Variants in LPCAT2 observed in about 807,000 individuals in gnomAD.
LPCAT2 encodes 1-AGP acyltransferase 11.
LPCAT2 carries 58 observed loss-of-function variants against 64.7 expected under a neutral mutation model. The ratio of observed to expected loss-of-function variants is 0.90; its 90% CI spans 0.73 to 1.12. LPCAT2 has a LOEUF of 1.12. LPCAT2 is among the 50% of genes most tolerant of loss of function. The pLI is 0.00. For synonymous variants in LPCAT2, 252 were observed against 245.3 expected, an observed-to-expected ratio of 1.03 and a Z score of -0.26; for missense variants, 579 against 669.8, an observed-to-expected ratio of 0.86 and a Z score of 1.50.
chr16:55,534,476 T>C lies in LPCAT2; in HGVS notation c.796T>C (p.Phe266Leu), dbSNP rs1275818208. 1 of 1,470,178 alleles carries C rather than the reference T, an allele frequency of 6.8e-7. No individual in the cohort carries two copies. Among genetic ancestry groups the C allele is most frequent in the East Asian group, 2.4e-5 (1 of 41,936 alleles). The allele number at this position is 1,470,178 out of a possible 1,614,324, so 91.1% of individuals were successfully genotyped here. The change falls in exon 7 of 14, where the codon TTC becomes CTC. Residue 266 changes from phenylalanine (F) to leucine (L), a missense_variant and splice_region_variant. Physicochemically the swap from Phe to Leu is conservative, Grantham distance 22. Coordinates refer to ENST00000262134, the MANE Select transcript of LPCAT2 (RefSeq NM_017839.5). ...TVTWTWQGYT[F>L]IQLCMLTFCQ... is the part of the protein sequence containing the mutation. ...GACCTGGACATGGCAAGGATATACA[T>C]TGTAAGTCACTTATGTCTATTATTA...
At chr16:55,520,053 C>G (rs1963073486) in intron 1 of LPCAT2, among the ~76,000 whole-genome samples, 1 of 152,034 alleles carries the variant, frequency 6.6e-6, no homozygotes, top group South Asian at 2.1e-4. Context: ...CCAAATACAT[C>G]AATAATTACA....
rs1333640342 is a variant in LPCAT2, at chr16:55,550,948, G to A, written c.1062-1G>A. ...GTATCTATAATTCTTTGTTTGTTTA[G>A]ATTAGATTGGGATGGTGTTCGTAAG... On this transcript the variant is annotated splice_acceptor_variant, in intron 10 of 13. Transcript: ENST00000262134. LOFTEE classifies it high-confidence loss of function. 2 of 1,582,798 alleles carry A rather than the reference G, an allele frequency of 1.3e-6. No individual in the cohort carries two copies. The highest frequency in any genetic ancestry group is 1.7e-6 in the Non-Finnish European group (2 of 1,159,514).
chr16:55,518,504 A>G (rs1214811196), intron 1 of LPCAT2, among the ~76,000 whole-genome samples: 1 of 152,214 alleles, frequency 6.6e-6, no homozygotes, highest in Non-Finnish European at 1.5e-5. Flanking sequence ...AAAATTGGAG[A>G]ACTCACATTT....
intron 10 of LPCAT2, among the ~76,000 whole-genome samples, chr16:55,549,890 C>T (rs1963496571): frequency 6.6e-6 from 1 of 152,148 alleles, no homozygotes; most frequent in African/African-American, 2.4e-5. Flanking sequence ...CTTCTTCCTG[C>T]TCTTTTGATC....
chr16:55,572,985 G>A (rs1269953301), intron 11 of LPCAT2, among the ~76,000 whole-genome samples: 2 of 152,132 alleles, frequency 1.3e-5, no homozygotes, highest in Non-Finnish European at 2.9e-5. Flanking sequence ...TGACAGACTG[G>A]TAATCAGACA....
Position 55,528,354 on chromosome 16 carries a change from A to T in LPCAT2, c.312-23A>T, listed in dbSNP as rs745930367. 1.9e-6 allele frequency: 3 copies of T among 1,587,090 alleles called. No individual in the cohort carries two copies. The African/African-American group carries it at 4.0e-5, about 21-fold the overall frequency. ...CTAGCTTTAATTAACAGAGCTAATT[A>T]CATCTTTTCTATATTTTCAAAGGAA... On this transcript the variant is annotated intron_variant, in intron 2 of 13. Transcript: ENST00000262134.
At chr16:55,547,456 C>CA (rs1398119559) in intron 9 of LPCAT2, among the ~76,000 whole-genome samples, 2 of 152,144 alleles carry the variant, frequency 1.3e-5, no homozygotes, top group African/African-American at 4.8e-5. Flanking sequence ...TTGGAAAACA[C>CA]AAGTACTGTG....
At chr16:55,547,242 C>A (rs1434399917) in intron 9 of LPCAT2, among the ~76,000 whole-genome samples, 1 of 152,106 alleles carries the variant, frequency 6.6e-6, no homozygotes, top group Non-Finnish European at 1.5e-5. Flanking sequence ...GTTTAGACAG[C>A]CTTTTTCTGA....
intron 8 of LPCAT2, among the ~76,000 whole-genome samples, chr16:55,543,389 T>G (rs1963418332): frequency 6.6e-6 from 1 of 152,200 alleles, no homozygotes; most frequent in South Asian, 2.1e-4. Flanking sequence ...TTTTTCAAGG[T>G]TTTCAGTATG....
At chr16:55,516,610 A>G (rs576123090) in intron 1 of LPCAT2, among the ~76,000 whole-genome samples, 9 of 152,360 alleles carry the variant, frequency 5.9e-5, no homozygotes, top group African/African-American at 2.2e-4. Flanking sequence ...AATTATAACC[A>G]TATATGCATC....
At chr16:55,553,352 C>CG (rs1963539903) in intron 11 of LPCAT2, among the ~76,000 whole-genome samples, 1 of 152,222 alleles carries the variant, frequency 6.6e-6, no homozygotes, top group Non-Finnish European at 1.5e-5. Flanking sequence ...GCTTTATCAA[C>CG]TAAGTTCATG....
In LPCAT2 at chr16:55,532,683, A is replaced by G. The variant is rs1428509929; in HGVS notation, c.704-141A>G. ...TCCCTCATTTTGGTAAGCACTAGGGATTTACCAACATTTAGCAAATGATTT... is the reference window on the plus strand; with the variant it reads ...TCCCTCATTTTGGTAAGCACTAGGGGTTTACCAACATTTAGCAAATGATTT... On this transcript the variant is annotated intron_variant, in intron 5 of 13. Coordinates refer to ENST00000262134, the MANE Select transcript of LPCAT2 (RefSeq NM_017839.5). 2.7e-5 allele frequency: 14 copies of G among 524,184 alleles called. No homozygotes were observed. The East Asian group carries it at 4.7e-4, about 18-fold the overall frequency. The allele number at this position is 524,184 out of a possible 1,614,324, so 32.5% of individuals were successfully genotyped here.
chr16:55,576,264 GT>G (rs1468346247), intron 12 of LPCAT2, among the ~76,000 whole-genome samples: 1 of 149,872 alleles, frequency 6.7e-6, no homozygotes, highest in Non-Finnish European at 1.5e-5. Context: ...TGTGTTTTAT[GT>G]TTTGGAAGTA....
rs779297150 is a variant in LPCAT2, at chr16:55,574,710, T to A, written c.1295T>A (p.Ile432Asn). ...VLCNPSNTEE[I>N]IQVAFKLFDV... Reference sequence around the variant, plus strand: ...TGCAACCCTTCCAACACAGAGGAGATCATCCAGGTGGCATTTAAGGTACTG... The same window carrying A: ...TGCAACCCTTCCAACACAGAGGAGAACATCCAGGTGGCATTTAAGGTACTG... The change falls in exon 12 of 14, where the codon ATC becomes AAC. Residue 432 changes from isoleucine (I) to asparagine (N), a missense_variant. Coordinates refer to ENST00000262134, the MANE Select transcript of LPCAT2 (RefSeq NM_017839.5). The A allele has an allele frequency of 2.5e-6, 4 of 1,613,336 alleles. No homozygotes were observed. In the African/African-American group the frequency reaches 4.0e-5, roughly 16 times the overall value.
Position 55,584,343 on chromosome 16 carries a change from T to C in LPCAT2, c.*1245T>C, listed in dbSNP as rs1047560650. ...AGAAAACACAAAAGGTTTCAAGGTA[T>C]CACCCAAAGCTAGGGAATCAACAAA... On this transcript the variant is annotated 3_prime_UTR_variant, in exon 14 of 14. Transcript: ENST00000262134. 1 of 152,168 alleles carries C rather than the reference T, an allele frequency of 6.6e-6. No individual in the cohort carries two copies. The highest frequency in any genetic ancestry group is 1.5e-5 in the Non-Finnish European group (1 of 68,022). The allele number at this position is 152,168 out of a possible 1,614,324, so 9.4% of individuals were successfully genotyped here.
intron 1 of LPCAT2, among the ~76,000 whole-genome samples, chr16:55,525,184 T>C (rs1267394826): frequency 6.6e-6 from 1 of 152,076 alleles, no homozygotes; most frequent in Non-Finnish European, 1.5e-5. Flanking sequence ...CTACAACTCC[T>C]CCAGGAAGCT....
Position 55,583,205 on chromosome 16 carries a change from A to T in LPCAT2, c.*107A>T, listed in dbSNP as rs567994567. ...TGGTAATGATGTTTAAAATTGAAAGATTTTTAAAACAAAAATGATAGATTT... is the reference window on the plus strand; with the variant it reads ...TGGTAATGATGTTTAAAATTGAAAGTTTTTTAAAACAAAAATGATAGATTT... On this transcript the variant is annotated 3_prime_UTR_variant, in exon 14 of 14. Transcript: ENST00000262134. The T allele has an allele frequency of 2.6e-5, 23 of 878,948 alleles. No individual in the cohort carries two copies. In the East Asian group the frequency reaches 4.9e-4, roughly 19 times the overall value. The allele number at this position is 878,948 out of a possible 1,614,324, so 54.4% of individuals were successfully genotyped here. A position where few individuals can be genotyped will look rare whatever the true frequency, so the allele number is the denominator to read the frequency against.
chr16:55,536,528 A>G (rs1963326318), intron 7 of LPCAT2, among the ~76,000 whole-genome samples: 1 of 152,222 alleles, frequency 6.6e-6, no homozygotes, highest in East Asian at 1.9e-4. Context: ...GAACTGACAC[A>G]TTAACAATTT....
At position 55,579,221 on chromosome 16, in the gene LPCAT2, C is replaced by T; in HGVS notation, c.1427C>T (p.Ala476Val). 6.2e-7 allele frequency: 1 copy of T among 1,613,004 alleles called. No homozygotes were observed. Among genetic ancestry groups the T allele is most frequent in the Non-Finnish European group, 8.5e-7 (1 of 1,179,436 alleles). ...LDVSGLFKEI[A>V]QGDSISYEEF... The stretch of plus-strand genomic sequence containing the variant: ...GTTTCTGGTCTCTTCAAGGAAATAG[C>T]CCAAGGGGACTCAATTTCCTATGGT... Residue 476 changes from alanine to valine, a missense_variant, in exon 13 of 14, where the codon GCC becomes GTC. Coordinates refer to ENST00000262134, the MANE Select transcript of LPCAT2 (RefSeq NM_017839.5).
Sources: gnomAD v4.1 joint callset for allele counts (sites outside exome capture counted in the v4.1 genomes callset) on GRCh38, gnomAD v4.1.1 for gene constraint, MANE v1.5 for transcripts, NCBI Gene and HGNC (gene_info 2026-07-23, HGNC 2026-07-21) for gene names.